Variants in HAUS4 observed in about 807,000 individuals in gnomAD.
HAUS4 encodes the protein HAUS augmin-like complex subunit 4.
Under a neutral mutation model 50.6 loss-of-function variants are expected in HAUS4, and 34 were observed. The ratio of observed to expected loss-of-function variants is 0.67; its 90% CI spans 0.51 to 0.90. The LOEUF (loss-of-function observed/expected upper bound fraction) is 0.90. Among genes scored for constraint, HAUS4 ranks in the 40% least tolerant of loss-of-function variants. The pLI is 0.00. For synonymous variants in HAUS4, 149 were observed against 161.4 expected (o/e 0.92, Z 0.58); for missense variants, 370 against 428.7 (o/e 0.86, Z 1.21).
At position 22,951,447 on chromosome 14, in the gene HAUS4, T is replaced by C. The variant is rs979748983; in HGVS notation, c.465+108A>G. On this transcript the variant is annotated intron_variant, in intron 5 of 9. Transcript: ENST00000541587. ...CTTATTTGAGTCTGACCACCCTGAA[T>C]GTGTATCATTTTTACAAAAACAATA... 4 of 1,271,010 alleles carry C rather than the reference T, an allele frequency of 3.1e-6. No individual in the cohort carries two copies. In the East Asian group the frequency reaches 7.4e-5, roughly 24 times the overall value. 78.7% of individuals were successfully genotyped at this position (1,271,010 alleles called of 1,614,324 possible). A position where few individuals can be genotyped will look rare whatever the true frequency, so the allele number is the denominator to read the frequency against.
At chr14:22,950,206 G>T in intron 6 of HAUS4, 108 bp downstream of exon 6, 1 of 499,008 alleles carries the variant, frequency 2.0e-6, no homozygotes. Flanking sequence ...CATCTCTGAT[G>T]GTTCTAAACC....
intron 8 of HAUS4, 100 bp downstream of exon 8, chr14:22,947,501 A>C: frequency 1.6e-6 from 2 of 1,280,330 alleles, no homozygotes; most frequent in Non-Finnish European, 2.2e-6. Context: ...GGATACCCAC[A>C]AGGCGCTAGG....
chr14:22,948,105 C>A (rs1416642647), intron 6 of HAUS4, 92 bp from the exon 7 acceptor site: 1 of 1,235,386 alleles, frequency 8.1e-7, no homozygotes, highest in Non-Finnish European at 1.1e-6. Context: ...GTATCTAGAC[C>A]CACAAATCCT....
chr14:22,952,708 C>CA (rs761310567), intron 2 of HAUS4, 25 bp from the exon 3 acceptor site: 473 of 1,539,986 alleles, frequency 3.1e-4, no homozygotes, highest in Non-Finnish European at 4.0e-4. Flanking sequence ...CCCACAGGTA[C>CA]AAAAAAACAA....
At position 22,951,663 on chromosome 14, in the gene HAUS4, C is replaced by A. The variant is rs1385267573; in HGVS notation, c.357G>T (p.Leu119=). The A allele has an allele frequency of 1.2e-6, 2 of 1,613,480 alleles. No homozygotes were observed. The highest frequency in any genetic ancestry group is 1.7e-6 in the Non-Finnish European group (2 of 1,179,780). Residue 119 remains leucine (L), a synonymous_variant, in exon 5 of 10, where the codon CTG becomes CTT. Coordinates refer to ENST00000541587, the MANE Select transcript of HAUS4 (RefSeq NM_001166269.2). The part of the protein sequence containing the change: ...KKFHETLEQR[L]LVTELMRLLG... ...AGAGCCGCATCAGTTCAGTTACAAG[C>A]AGCCGCTGTTCAAGGGTCTCATGAA...
chr14:22,947,384 G>A (rs2044664338), intron 8 of HAUS4, 145 bp from the exon 9 acceptor site: 2 of 737,552 alleles, frequency 2.7e-6, no homozygotes, highest in Non-Finnish European at 4.7e-6. Flanking sequence ...CCGAGCAATT[G>A]ATCTCACAGT....
chr14:22,953,683 C>T (rs1433682830), intron 2 of HAUS4, among the ~76,000 whole-genome samples: 3 of 150,144 alleles, frequency 2.0e-5, no homozygotes, highest in Non-Finnish European at 3.0e-5. Flanking sequence ...TGCAATGGCA[C>T]GATCTCGGCT....
chr14:22,951,625 T>A lies in HAUS4; in HGVS notation c.395A>T (p.Gln132Leu). 9 of 1,614,110 alleles carry A rather than the reference T, an allele frequency of 5.6e-6. No homozygotes were observed. The highest frequency in any genetic ancestry group is 7.6e-6 in the Non-Finnish European group (9 of 1,179,970). Reference protein sequence around the residue: ...TELMRLLGPSQEREIPPLLGL... With the variant: ...TELMRLLGPSLEREIPPLLGL... ...CAGCAGTGGAGGTATCTCCCTCTCC[T>A]GGCTAGGACCTAAGAGCCGCATCAG... Residue 132 changes from glutamine to leucine, a missense_variant, in exon 5 of 10, where the codon CAG becomes CTG. Transcript: ENST00000541587.
chr14:22,952,363 T>C lies in HAUS4; in HGVS notation c.295A>G (p.Ile99Val), dbSNP rs1022617066. The C allele has an allele frequency of 8.7e-6, 14 of 1,613,948 alleles. No homozygotes were observed. The highest frequency in any genetic ancestry group is 1.2e-5 in the Non-Finnish European group (14 of 1,179,960). Residue 99 changes from isoleucine (I) to valine (V), a missense_variant, in exon 4 of 10, where the codon ATA (isoleucine) becomes GTA (valine). Coordinates refer to ENST00000541587, the MANE Select transcript of HAUS4 (RefSeq NM_001166269.2). Reference protein sequence around the residue: ...QELLVDYYVKIQDTNVTSEDK... With the variant: ...QELLVDYYVKVQDTNVTSEDK... ...TCAGAAGTTACATTTGTGTCTTGTA[T>C]CTTCACATAGTAGTCCACAAGCAAC...
chr14:22,946,778 A>G lies in HAUS4; in HGVS notation c.909-70T>C, dbSNP rs2044649745. ...TCAGAAAGTAGTGGACAAAAATGAA[A>G]AACTTTTTTTTTTTTTTTTTTGTCA... On this transcript the variant is annotated intron_variant, in intron 9 of 9. Transcript: ENST00000541587. 6.8e-6 allele frequency: 8 copies of G among 1,175,190 alleles called. No individual in the cohort carries two copies. The South Asian group carries it at 1.2e-4, about 17-fold the overall frequency. 72.8% of individuals were successfully genotyped at this position (1,175,190 alleles called of 1,614,324 possible).
rs201002654 is a variant in HAUS4 at position 22,950,394 on chromosome 14, C to T, written c.482G>A (p.Arg161Lys). ...MPLSEDFVWM[R>K]ARLQQEVEEQ... ...CTCTACTTCTTGCTGTAGCCGAGCC[C>T]TCATCCACACAAAATCCTACAGTCA... Residue 161 changes from arginine to lysine, a missense_variant, in exon 6 of 10, where the codon AGG (arginine) becomes AAG (lysine). By Grantham distance (26) the Arg-to-Lys change is conservative. Coordinates refer to ENST00000541587, the MANE Select transcript of HAUS4 (RefSeq NM_001166269.2). 391 of 1,610,436 alleles carry T rather than the reference C, an allele frequency of 2.4e-4. 1 individual carries two copies. The Admixed American group carries it at 6.4e-3, about 26-fold the overall frequency.
At chr14:22,955,216 A>C (rs941942946) in intron 1 of HAUS4, 40 bp from the exon 2 acceptor site, 16 of 1,216,638 alleles carry the variant, frequency 1.3e-5, no homozygotes, top group Non-Finnish European at 1.8e-5. Context: ...AAAGATGAAT[A>C]AACAGCTGGC....
intron 5 of HAUS4, 83 bp downstream of exon 5, chr14:22,951,472 A>AGT: frequency 6.8e-7 from 1 of 1,480,568 alleles, no homozygotes; most frequent in Admixed American, 1.8e-5. Context: ...CAAAAACAAT[A>AGT]AAGCTTGACA....
Position 22,952,454 on chromosome 14 carries a change from C to T in HAUS4, c.204G>A (p.Trp68Ter). ...TTGTCTTATGCAGTCGAACTTCCTT[C>T]CATGCCTAGAAATCCAAAAAATCTC... ...LTLAKEQAQA[W>*]KEVRLHKTTW... Residue 68 changes from tryptophan (W) to a stop codon, truncating the protein, a stop_gained, in exon 4 of 10, where the codon TGG becomes TGA. Transcript: ENST00000541587. LOFTEE classifies it high-confidence loss of function. The T allele has an allele frequency of 6.2e-7, 1 of 1,614,108 alleles. No individual in the cohort carries two copies.
In HAUS4 at chr14:22,954,015, G is replaced by A. The variant is rs370943210; in HGVS notation, c.55+1085C>T. Among the ~76,000 whole-genome samples the A allele has an allele frequency of 7.9e-5, 12 of 152,102 alleles. No homozygotes were observed. The East Asian group carries it at 2.1e-3, about 27-fold the overall frequency. ...ACTCCCAACCTCAGGTGATCCGCCC[G>A]CCTTGGCCTCCCAAAGTGCTGGGAT... On this transcript the variant is annotated intron_variant, in intron 2 of 9. Coordinates refer to ENST00000541587, the MANE Select transcript of HAUS4 (RefSeq NM_001166269.2).
chr14:22,955,634 C>G (rs1423317365), intron 1 of HAUS4: 2 of 152,788 alleles, frequency 1.3e-5, no homozygotes, highest in Admixed American at 1.3e-4. Flanking sequence ...TTTTTTTGTG[C>G]TTCTTTTTTT....
intron 6 of HAUS4, 66 bp downstream of exon 6, chr14:22,950,248 T>A: frequency 1.3e-6 from 1 of 799,654 alleles, no homozygotes; most frequent in Non-Finnish European, 2.1e-6. Flanking sequence ...AAATATATTA[T>A]TCTCAAAAGA....
intron 3 of HAUS4, 39 bp downstream of exon 3, chr14:22,952,502 A>T (rs1290544838): frequency 1.9e-6 from 3 of 1,613,032 alleles, no homozygotes; most frequent in Non-Finnish European, 2.5e-6. Context: ...CTCTCTCAGG[A>T]TTTTCCCTTC....
At chr14:22,952,063 G>C (rs1012748025) in intron 4 of HAUS4, among the ~76,000 whole-genome samples, 1 of 152,158 alleles carries the variant, frequency 6.6e-6, no homozygotes, top group African/African-American at 2.4e-5. Flanking sequence ...TGTCACCCAG[G>C]CTGGAGTGCT....
Sources: allele counts gnomAD v4.1 joint callset (sites outside exome capture counted in the v4.1 genomes callset), GRCh38; gene constraint gnomAD v4.1.1; transcripts MANE v1.5; gene names NCBI Gene and HGNC (gene_info 2026-07-23, HGNC 2026-07-21).